Variants in GSG1L observed in about 807,000 individuals in gnomAD.
GSG1L encodes the protein GSG1 like.
GSG1L carries 24 observed loss-of-function variants against 42.1 expected under a neutral mutation model. That is an observed-to-expected ratio of 0.57 (90% CI 0.41 to 0.80). The LOEUF (loss-of-function observed/expected upper bound fraction) is 0.80. Among genes scored for constraint, GSG1L ranks in the 30% least tolerant of loss-of-function variants. GSG1L has a pLI of 0.00. For synonymous variants in GSG1L, 215 were observed against 203.5 expected, an observed-to-expected ratio of 1.06 and a Z score of -0.48; for missense variants, 445 against 472.2, an observed-to-expected ratio of 0.94 and a Z score of 0.53.
chr16:28,026,455 G>A (rs538830524), intron 1 of GSG1L, among the ~76,000 whole-genome samples: 3 of 152,322 alleles, frequency 2.0e-5, no homozygotes, highest in South Asian at 4.1e-4. Flanking sequence ...GATGGGACTC[G>A]GGAAGAGGAT....
At chr16:27,823,584 G>C (rs1387501334) in intron 5 of GSG1L, among the ~76,000 whole-genome samples, 1 of 152,120 alleles carries the variant, frequency 6.6e-6, no homozygotes, top group East Asian at 1.9e-4. Context: ...ATGGGCTCCA[G>C]AAAGCCCTCT....
At chr16:27,903,036 G>A (rs1045117341) in intron 2 of GSG1L, among the ~76,000 whole-genome samples, 4 of 152,104 alleles carry the variant, frequency 2.6e-5, no homozygotes, top group African/African-American at 9.7e-5. Flanking sequence ...GAGGCTGCAG[G>A]GATCCAGAAG....
At chr16:27,822,271 C>T (rs557678920) in intron 5 of GSG1L, among the ~76,000 whole-genome samples, 2 of 152,270 alleles carry the variant, frequency 1.3e-5, no homozygotes, top group South Asian at 2.1e-4. Flanking sequence ...TAGTAAACTG[C>T]GAAGTTAATT....
At chr16:28,022,771 G>A (rs542145401) in intron 1 of GSG1L, among the ~76,000 whole-genome samples, 3 of 152,194 alleles carry the variant, frequency 2.0e-5, no homozygotes, top group South Asian at 4.2e-4. Flanking sequence ...AGGTTCAAGC[G>A]ATTCTCCTGC....
chr16:27,799,831 T>C (rs2082862463), intron 6 of GSG1L, among the ~76,000 whole-genome samples: 1 of 152,186 alleles, frequency 6.6e-6, no homozygotes, highest in South Asian at 2.1e-4. Context: ...CATCTAGAAG[T>C]TGCTGAATAG....
chr16:28,026,608 C>T (rs548239996), intron 1 of GSG1L, among the ~76,000 whole-genome samples: 2 of 152,292 alleles, frequency 1.3e-5, no homozygotes, highest in East Asian at 3.9e-4. Context: ...CTGGGCTTGG[C>T]CGGTCTTGGT....
chr16:27,829,300 A>C (rs1287442772), intron 4 of GSG1L, among the ~76,000 whole-genome samples: 1 of 152,104 alleles, frequency 6.6e-6, no homozygotes, highest in African/African-American at 2.4e-5. Context: ...TGGCCGGGGG[A>C]AAGGGCATTC....
intron 6 of GSG1L, among the ~76,000 whole-genome samples, chr16:27,802,817 G>A (rs1449289113): frequency 1.3e-5 from 2 of 151,954 alleles, no homozygotes; most frequent in Non-Finnish European, 2.9e-5. Flanking sequence ...ACCATGCCCA[G>A]CTAATTTTAA....
At chr16:28,045,621 G>C (rs1255572204) in intron 1 of GSG1L, among the ~76,000 whole-genome samples, 1 of 151,896 alleles carries the variant, frequency 6.6e-6, no homozygotes. Flanking sequence ...AAGTTGCAGT[G>C]AGCCGAGACC....
chr16:27,825,161 G>A (rs1467770075), intron 5 of GSG1L, among the ~76,000 whole-genome samples: 3 of 152,208 alleles, frequency 2.0e-5, no homozygotes, highest in Admixed American at 6.5e-5. Context: ...AAATAAAAGA[G>A]CATGAGGGAG....
chr16:27,858,935 A>G (rs2083610389), intron 3 of GSG1L, among the ~76,000 whole-genome samples: 1 of 152,250 alleles, frequency 6.6e-6, no homozygotes, highest in Non-Finnish European at 1.5e-5. Context: ...GGTGACATTT[A>G]AGCTGAGACC....
At chr16:28,008,038 A>G (rs1239385743) in intron 1 of GSG1L, among the ~76,000 whole-genome samples, 1 of 152,116 alleles carries the variant, frequency 6.6e-6, no homozygotes, top group African/African-American at 2.4e-5. Context: ...TCGCCACTGG[A>G]GCACCCTGTA....
intron 1 of GSG1L, among the ~76,000 whole-genome samples, chr16:28,062,127 C>T (rs1018229292): frequency 2.6e-5 from 4 of 152,270 alleles, no homozygotes; most frequent in African/African-American, 4.8e-5. Context: ...GGTGTCCATG[C>T]CTGGACACCC....
intron 2 of GSG1L, among the ~76,000 whole-genome samples, chr16:27,910,439 G>A (rs1013777933): frequency 6.6e-6 from 1 of 152,166 alleles, no homozygotes; most frequent in Admixed American, 6.5e-5. Flanking sequence ...TGTGAGGTAG[G>A]TAATGTGATT....
At chr16:27,876,647 G>C (rs373400288) in intron 3 of GSG1L, among the ~76,000 whole-genome samples, 13 of 152,288 alleles carry the variant, frequency 8.5e-5, no homozygotes, top group African/African-American at 3.1e-4. Context: ...AGTTCCCGAG[G>C]ATGTGAGTAT....
chr16:28,060,759 T>A (rs1341493176), intron 1 of GSG1L, among the ~76,000 whole-genome samples: 3 of 152,132 alleles, frequency 2.0e-5, no homozygotes. Flanking sequence ...GCCTCAAAGG[T>A]GGCGGCCAGG....
At chr16:27,798,103 C>G (rs2082841211) in intron 6 of GSG1L, among the ~76,000 whole-genome samples, 1 of 152,120 alleles carries the variant, frequency 6.6e-6, no homozygotes, top group Admixed American at 6.5e-5. Flanking sequence ...GTGACAGATA[C>G]ATCAGAAGCC....
At chr16:28,060,292 G>T (rs1158470326) in intron 1 of GSG1L, among the ~76,000 whole-genome samples, 1 of 152,126 alleles carries the variant, frequency 6.6e-6, no homozygotes, top group Non-Finnish European at 1.5e-5. Context: ...TTGAGGCCAG[G>T]TACTTGCTAT....
chr16:27,897,963 C>G (rs1262566979), intron 2 of GSG1L, among the ~76,000 whole-genome samples: 2 of 152,224 alleles, frequency 1.3e-5, no homozygotes, highest in Non-Finnish European at 2.9e-5. Context: ...TGGGCTGGGC[C>G]CAGAAAAACA....
Sources: allele counts gnomAD v4.1 joint callset (sites outside exome capture counted in the v4.1 genomes callset), GRCh38; gene constraint gnomAD v4.1.1; transcripts MANE v1.5; gene names NCBI Gene and HGNC (gene_info 2026-07-23, HGNC 2026-07-21).